Variants in MYRIP observed in about 807,000 individuals in gnomAD.
The protein encoded by MYRIP is rab effector MyRIP.
Under a neutral mutation model 98.0 loss-of-function variants are expected in MYRIP, and 49 were observed. The observed-to-expected ratio is 0.50, with a 90% CI of 0.40 to 0.63. The LOEUF (loss-of-function observed/expected upper bound fraction) is 0.63. Among genes scored for constraint, MYRIP ranks in the 30% least tolerant of loss-of-function variants. MYRIP has a pLI of 0.00. For missense variants in MYRIP, 1,004 were observed against 1,058.2 expected, an observed-to-expected ratio of 0.95 and a Z score of 0.71; for synonymous variants, 404 against 409.5, an observed-to-expected ratio of 0.99 and a Z score of 0.16.
intron 15 of MYRIP, among the ~76,000 whole-genome samples, chr3:40,250,888 A>T (rs1953355954): frequency 6.6e-6 from 1 of 152,128 alleles, no homozygotes; most frequent in Non-Finnish European, 1.5e-5. Flanking sequence ...TTGTTCTAAA[A>T]CTCCCATCCA....
intron 1 of MYRIP, among the ~76,000 whole-genome samples, chr3:39,895,958 C>T (rs773841441): frequency 6.6e-6 from 1 of 151,880 alleles, no homozygotes; most frequent in Admixed American, 6.6e-5. Context: ...TACGCATATA[C>T]ATGCCTATGT....
At chr3:40,225,254 C>T (rs138905688) in intron 11 of MYRIP, among the ~76,000 whole-genome samples, 1 of 152,132 alleles carries the variant, frequency 6.6e-6, no homozygotes, top group Admixed American at 6.5e-5. Flanking sequence ...TGGTCATTGG[C>T]AGCTCAGTTC....
intron 3 of MYRIP, among the ~76,000 whole-genome samples, chr3:40,049,774 G>T (rs552671806): frequency 2.7e-4 from 41 of 152,258 alleles, no homozygotes; most frequent in African/African-American, 9.6e-4. Flanking sequence ...TGAATGCAAA[G>T]GAAAAGCTCT....
chr3:39,857,389 C>A (rs995251660), intron 1 of MYRIP, among the ~76,000 whole-genome samples: 1 of 151,948 alleles, frequency 6.6e-6, no homozygotes, highest in Non-Finnish European at 1.5e-5. Flanking sequence ...AATACATGAA[C>A]AAAATGAAAA....
At position 40,101,827 on chromosome 3, in the gene MYRIP, C is replaced by T. The variant is rs559847153; in HGVS notation, c.333-49221C>T. 7.2e-4 allele frequency among the ~76,000 whole-genome samples: 110 copies of T among 152,094 alleles called. 2 individuals carry two copies. In the Middle Eastern group the frequency reaches 0.014, roughly 19 times the overall value. On this transcript the variant is annotated intron_variant, in intron 3 of 16. Coordinates refer to ENST00000302541, the MANE Select transcript of MYRIP (RefSeq NM_015460.4). Reference sequence around the variant, plus strand: ...TGTTTGTTTTGGTATTTATCTTTAACGATAGCAACTTTGCTCAAGAATCCC... The same window carrying T: ...TGTTTGTTTTGGTATTTATCTTTAATGATAGCAACTTTGCTCAAGAATCCC...
At chr3:40,105,170 T>C (rs1949029481) in intron 3 of MYRIP, among the ~76,000 whole-genome samples, 2 of 152,204 alleles carry the variant, frequency 1.3e-5, no homozygotes, top group African/African-American at 4.8e-5. Flanking sequence ...CCCATTCCCA[T>C]ACCTTTCAGT....
intron 2 of MYRIP, among the ~76,000 whole-genome samples, chr3:40,007,729 T>C (rs1265022251): frequency 1.3e-5 from 2 of 152,220 alleles, no homozygotes; most frequent in Non-Finnish European, 2.9e-5. Context: ...TTATGAAAAC[T>C]GGCATATCAA....
intron 2 of MYRIP, among the ~76,000 whole-genome samples, chr3:40,041,224 G>T (rs1372643475): frequency 7.9e-6 from 1 of 126,040 alleles, no homozygotes; most frequent in Admixed American, 8.5e-5. Context: ...GTAATAACTG[G>T]GACAAGACTA....
At chr3:40,191,073 A>G (rs1471481256) in intron 10 of MYRIP, among the ~76,000 whole-genome samples, 1 of 152,182 alleles carries the variant, frequency 6.6e-6, no homozygotes, top group Non-Finnish European at 1.5e-5. Flanking sequence ...ATATTCTGTG[A>G]TTCTTTAGTC....
chr3:40,082,288 A>T (rs1297428076), intron 3 of MYRIP, among the ~76,000 whole-genome samples: 1 of 152,208 alleles, frequency 6.6e-6, no homozygotes, highest in Non-Finnish European at 1.5e-5. Context: ...AAAGAGATAA[A>T]TGCACTCTCA....
In MYRIP at chr3:40,220,252, T is replaced by C. The variant is rs1476145220; in HGVS notation, c.1905+10159T>C. On this transcript the variant is annotated intron_variant, in intron 11 of 16. Coordinates refer to ENST00000302541, the MANE Select transcript of MYRIP (RefSeq NM_015460.4). ...GGATATTAGCCCTTTGTCAGACGAG[T>C]AGGTTGCAAAAATTTTCTCCCATTT... Among the ~76,000 whole-genome samples, 7 of 152,128 alleles carry C rather than the reference T, an allele frequency of 4.6e-5. No individual in the cohort carries two copies. The East Asian group carries it at 1.2e-3, about 25-fold the overall frequency.
chr3:39,972,765 T>A (rs1285285910), intron 2 of MYRIP, among the ~76,000 whole-genome samples: 4 of 150,122 alleles, frequency 2.7e-5, no homozygotes, highest in Non-Finnish European at 5.9e-5. Flanking sequence ...CCCCTTTCAA[T>A]TTTTTTCTTC....
At chr3:40,135,946 A>C (rs1215227151) in intron 3 of MYRIP, among the ~76,000 whole-genome samples, 5 of 152,230 alleles carry the variant, frequency 3.3e-5, no homozygotes, top group African/African-American at 1.2e-4. Context: ...ATTGTAAAGA[A>C]CATCAAGGCT....
At chr3:40,089,771 G>A (rs1245126623) in intron 3 of MYRIP, among the ~76,000 whole-genome samples, 2 of 152,134 alleles carry the variant, frequency 1.3e-5, no homozygotes, top group African/African-American at 4.8e-5. Context: ...AATGGCCTTG[G>A]CAATGGATCG....
At chr3:39,847,259 G>A (rs1274856244) in intron 1 of MYRIP, among the ~76,000 whole-genome samples, 2 of 152,146 alleles carry the variant, frequency 1.3e-5, no homozygotes, top group African/African-American at 2.4e-5. Context: ...CCCCAGAAGA[G>A]GATGCAAAGT....
intron 11 of MYRIP, among the ~76,000 whole-genome samples, chr3:40,233,605 C>A (rs1952728761): frequency 6.6e-6 from 1 of 152,204 alleles, no homozygotes; most frequent in Non-Finnish European, 1.5e-5. Context: ...CTCTAGCACT[C>A]CTTCCTCCTT....
chr3:40,059,459 T>C (rs563234517), intron 3 of MYRIP, among the ~76,000 whole-genome samples: 2 of 152,230 alleles, frequency 1.3e-5, no homozygotes, highest in Admixed American at 6.5e-5. Context: ...TTCCTGACTT[T>C]TTAATGATCA....
intron 2 of MYRIP, among the ~76,000 whole-genome samples, chr3:40,011,666 T>A (rs1323737901): frequency 6.6e-6 from 1 of 152,262 alleles, no homozygotes; most frequent in Non-Finnish European, 1.5e-5. Flanking sequence ...TCCTGAATCC[T>A]TTCTCTCTTT....
chr3:40,157,909 G>A (rs560415324), intron 4 of MYRIP, among the ~76,000 whole-genome samples: 1 of 152,190 alleles, frequency 6.6e-6, no homozygotes, highest in Non-Finnish European at 1.5e-5. Context: ...AGTCTTGCTA[G>A]CGATTTATCA....
Sources: allele counts gnomAD v4.1 joint callset (sites outside exome capture counted in the v4.1 genomes callset), GRCh38; gene constraint gnomAD v4.1.1; transcripts MANE v1.5; gene names NCBI Gene and HGNC (gene_info 2026-07-23, HGNC 2026-07-21).